ARL13B: variants seen among roughly 807,000 people sequenced by gnomAD.
ARL13B encodes ARF like GTPase 13B.
Under a neutral mutation model 56.1 loss-of-function variants are expected in ARL13B, and 36 were observed. The ratio of observed to expected loss-of-function variants is 0.64; its 90% CI spans 0.49 to 0.85. ARL13B has a LOEUF of 0.85. Ranked by LOEUF, ARL13B falls within the 40% of genes least tolerant of loss-of-function variation. The pLI is 0.00. For synonymous variants in ARL13B, 178 were observed against 171.1 expected (o/e 1.04, Z -0.32); for missense variants, 519 against 507.1 (o/e 1.02, Z -0.23).
chr3:94,031,945 T>A (rs2076684240), intron 3 of ARL13B, among the ~76,000 whole-genome samples: 1 of 152,194 alleles, frequency 6.6e-6, no homozygotes, highest in Non-Finnish European at 1.5e-5. Context: ...CATTAAAGAC[T>A]TAATGTAAGA....
At position 93,990,806 on chromosome 3, in the gene ARL13B, G is replaced by A. The variant is rs187163365; in HGVS notation, c.60-5068G>A. On this transcript the variant is annotated intron_variant, in intron 1 of 9. Transcript: ENST00000394222. Reference sequence around the variant, plus strand: ...CTCATAATGTGATTGGTATTTTCTCGTGCAGTGTTCTCAGTCTGGAATCCC... The same window carrying A: ...CTCATAATGTGATTGGTATTTTCTCATGCAGTGTTCTCAGTCTGGAATCCC... 2.6e-5 allele frequency among the ~76,000 whole-genome samples: 4 copies of A among 152,108 alleles called. No individual in the cohort carries two copies. In the East Asian group the frequency reaches 7.7e-4, roughly 29 times the overall value.
In ARL13B at chr3:94,035,273, T is replaced by TTTAAG. The variant is rs2076746871; in HGVS notation, c.381-55_381-51dup. On this transcript the variant is annotated intron_variant, in intron 3 of 9. Coordinates refer to ENST00000394222, the MANE Select transcript of ARL13B (RefSeq NM_001174150.2). ...AAAAAAAGAATGTGGTCAAAATATC[T>TTTAAG]TTAAGTTTCCATCCAATTATATATA... 30 of 1,177,948 alleles carry TTTAAG rather than the reference T, an allele frequency of 2.5e-5. No homozygotes were observed. In the East Asian group the frequency reaches 7.1e-4, roughly 28 times the overall value. 73.0% of individuals were successfully genotyped at this position (1,177,948 alleles called of 1,614,324 possible). A position where few individuals can be genotyped will look rare whatever the true frequency, so the allele number is the denominator to read the frequency against.
chr3:94,043,374 A>G, intron 7 of ARL13B, 134 bp downstream of exon 7: 1 of 826,950 alleles, frequency 1.2e-6, no homozygotes, highest in Non-Finnish European at 1.9e-6. Flanking sequence ...CATATTTACC[A>G]TGATTTTCTC....
chr3:93,983,065 A>C (rs1027994452), intron 1 of ARL13B, among the ~76,000 whole-genome samples: 1 of 152,190 alleles, frequency 6.6e-6, no homozygotes, highest in African/African-American at 2.4e-5. Flanking sequence ...GTGAGGAGTG[A>C]ATTTGTAAAA....
At chr3:94,001,692 A>C (rs959742514) in intron 2 of ARL13B, among the ~76,000 whole-genome samples, 13 of 152,084 alleles carry the variant, frequency 8.5e-5, no homozygotes, top group Non-Finnish European at 1.5e-4. Context: ...TCATCTTTGC[A>C]CCCTTGATGC....
At chr3:94,029,541 A>G (rs1349193163) in intron 3 of ARL13B, among the ~76,000 whole-genome samples, 1 of 151,052 alleles carries the variant, frequency 6.6e-6, no homozygotes, top group Admixed American at 6.6e-5. Context: ...GGGTTTCACC[A>G]TGTTTGCCAG....
chr3:94,035,006 C>G (rs1015682953), intron 3 of ARL13B, among the ~76,000 whole-genome samples: 2 of 152,020 alleles, frequency 1.3e-5, no homozygotes, highest in African/African-American at 4.8e-5. Flanking sequence ...GAGGCTGAGA[C>G]TGACAGATCA....
chr3:94,020,266 G>A (rs975971179), intron 3 of ARL13B, among the ~76,000 whole-genome samples: 1 of 152,076 alleles, frequency 6.6e-6, no homozygotes. Context: ...CTCTTAATAT[G>A]TGCCAGGCAC....
chr3:94,012,622 G>A (rs1318752227), intron 3 of ARL13B, among the ~76,000 whole-genome samples: 1 of 152,118 alleles, frequency 6.6e-6, no homozygotes, highest in Non-Finnish European at 1.5e-5. Context: ...GTTCATATTG[G>A]TAAAATTGTA....
chr3:94,027,586 C>T (rs1257116088), intron 3 of ARL13B, among the ~76,000 whole-genome samples: 1 of 151,912 alleles, frequency 6.6e-6, no homozygotes, highest in Non-Finnish European at 1.5e-5. Context: ...ATTCTCAAGT[C>T]CACCTTTAAA....
intron 7 of ARL13B, among the ~76,000 whole-genome samples, chr3:94,043,829 T>C (rs1293978713): frequency 6.8e-6 from 1 of 147,492 alleles, no homozygotes; most frequent in South Asian, 2.2e-4. Flanking sequence ...GACTGGTTTT[T>C]GTATTTTTGG....
At chr3:94,020,115 G>A (rs916060737) in intron 3 of ARL13B, among the ~76,000 whole-genome samples, 7 of 152,096 alleles carry the variant, frequency 4.6e-5, no homozygotes, top group Non-Finnish European at 1.0e-4. Context: ...GAGATCAAGG[G>A]TTTTTATTCA....
At chr3:93,986,170 T>G (rs143392851) in intron 1 of ARL13B, among the ~76,000 whole-genome samples, 1 of 152,314 alleles carries the variant, frequency 6.6e-6, no homozygotes, top group Non-Finnish European at 1.5e-5. Context: ...TTTTAGAATT[T>G]TAATATAGAA....
intron 3 of ARL13B, among the ~76,000 whole-genome samples, chr3:94,020,067 C>G (rs941485506): frequency 6.6e-6 from 1 of 152,128 alleles, no homozygotes; most frequent in African/African-American, 2.4e-5. Context: ...TTTATATTAA[C>G]TTAATTGTCT....
chr3:94,020,854 A>C (rs2106998072), intron 3 of ARL13B, among the ~76,000 whole-genome samples: 1 of 152,288 alleles, frequency 6.6e-6, no homozygotes, highest in Middle Eastern at 3.4e-3. Flanking sequence ...GATTTGCTAT[A>C]GTAAAGGTAA....
chr3:93,987,810 ATTTTTTTTTTTAAT>A (rs1710541589), intron 1 of ARL13B, among the ~76,000 whole-genome samples: 1 of 147,496 alleles, frequency 6.8e-6, no homozygotes, highest in South Asian at 2.1e-4. Context: ...TGCCTGGCTA[ATTTTTTTTTTTAAT>A]TTGTAGAGAC....
At chr3:94,049,756 A>T (rs2077041054) in intron 8 of ARL13B, among the ~76,000 whole-genome samples, 1 of 152,016 alleles carries the variant, frequency 6.6e-6, no homozygotes, top group African/African-American at 2.4e-5. Flanking sequence ...CTATTAAGAA[A>T]ATTTTACCCA....
At chr3:94,029,728 C>G (rs576594429) in intron 3 of ARL13B, among the ~76,000 whole-genome samples, 58 of 152,196 alleles carry the variant, frequency 3.8e-4, no homozygotes, top group Non-Finnish European at 6.9e-4. Context: ...TACACACCTA[C>G]TTTTTATAGC....
intron 7 of ARL13B, among the ~76,000 whole-genome samples, chr3:94,045,988 T>C (rs1227783567): frequency 7.2e-6 from 1 of 138,276 alleles, no homozygotes; most frequent in East Asian, 2.1e-4. Context: ...AGACATACTA[T>C]AAAATAAAAC....
Sources: gnomAD v4.1 joint callset for allele counts (sites outside exome capture counted in the v4.1 genomes callset) on GRCh38, gnomAD v4.1.1 for gene constraint, MANE v1.5 for transcripts, NCBI Gene and HGNC (gene_info 2026-07-23, HGNC 2026-07-21) for gene names.